Variants in FBXO31 observed in about 807,000 individuals in gnomAD.
FBXO31 encodes the protein F-box protein 31.
FBXO31 carries 24 observed loss-of-function variants against 54.4 expected under a neutral mutation model. That is an observed-to-expected ratio of 0.44 (90% CI 0.32 to 0.62). The LOEUF (loss-of-function observed/expected upper bound fraction) is 0.62. Ranked by LOEUF, FBXO31 falls within the 20% of genes least tolerant of loss-of-function variation. The probability of loss-of-function intolerance (pLI) is 0.05; values close to 1 mark genes in which losing one functional copy is unlikely to be tolerated. For synonymous variants in FBXO31, 388 were observed against 335.6 expected, an observed-to-expected ratio of 1.16 and a Z score of -1.71; for missense variants, 665 against 787.1, an observed-to-expected ratio of 0.84 and a Z score of 1.86.
upstream of FBXO31, among the ~76,000 whole-genome samples, chr16:87,390,988 TTTACAAAG>T (rs200344799): frequency 0.028 from 4,301 of 152,318 alleles, 88 homozygotes; most frequent in Non-Finnish European, 0.041. Context: ...AAGAAAGGCT[TTTACAAAG>T]TCAAAAGGAG....
chr16:87,365,037 A>ATATATCTATAAATATATATATATATC (rs1489132121), intron 1 of FBXO31, among the ~76,000 whole-genome samples: 1 of 106,892 alleles, frequency 9.4e-6, no homozygotes, highest in Non-Finnish European at 2.0e-5. Flanking sequence ...ATATATATAT[A>ATATATCTATAAATATATATATATATC]TATCAGGCAG....
In FBXO31 at chr16:87,333,938, G is replaced by C. The variant is rs767209794; in HGVS notation, c.1345C>G (p.Pro449Ala). 6.2e-7 allele frequency: 1 copy of C among 1,612,198 alleles called. No homozygotes were observed. The highest frequency in any genetic ancestry group is 8.5e-7 in the Non-Finnish European group (1 of 1,179,420). Reference protein sequence around the residue: ...QCGQGQPFVLPVGVSSRNEDY... With the variant: ...QCGQGQPFVLAVGVSSRNEDY... ...TCATTCCTGGAGCTCACGCCCACGG[G>C]CAGCACGAACGGCTGCCCCTGCCCA... The change falls in exon 8 of 9, where the codon CCC becomes GCC. Residue 449 changes from proline to alanine, a missense_variant. By Grantham distance (27) the Pro-to-Ala change is conservative (BLOSUM62 -1). Coordinates refer to ENST00000311635, the MANE Select transcript of FBXO31 (RefSeq NM_024735.5).
exon 1 of FBXO31, chr16:87,389,791 C>G (rs1464899768): frequency 6.6e-6 from 1 of 152,122 alleles, no homozygotes; most frequent in African/African-American, 2.4e-5. Context: ...TAGCCATCTT[C>G]TGAACGCTGT....
chr16:87,359,478 C>A (rs895230940), intron 2 of FBXO31, among the ~76,000 whole-genome samples: 1 of 152,212 alleles, frequency 6.6e-6, no homozygotes, highest in African/African-American at 2.4e-5. Flanking sequence ...CGGGACATGA[C>A]TTTTGGTGCT....
chr16:87,360,599 T>C (rs1906090316), intron 1 of FBXO31, among the ~76,000 whole-genome samples: 1 of 152,246 alleles, frequency 6.6e-6, no homozygotes, highest in African/African-American at 2.4e-5. Context: ...AAAATAATAA[T>C]CTGCAATGTC....
intron 8 of FBXO31, 118 bp downstream of exon 8, chr16:87,333,768 G>T: frequency 1.4e-6 from 2 of 1,462,576 alleles, no homozygotes; most frequent in Non-Finnish European, 1.8e-6. Flanking sequence ...CCAAAGCACC[G>T]GCTGCCGCCC....
At chr16:87,352,425 AC>A (rs1464147895) in intron 2 of FBXO31, among the ~76,000 whole-genome samples, 1 of 152,150 alleles carries the variant, frequency 6.6e-6, no homozygotes, top group Non-Finnish European at 1.5e-5. Context: ...TAAGATTTTA[AC>A]CCTTATTAAA....
chr16:87,347,309 C>T, intron 2 of FBXO31, 59 bp from the exon 3 acceptor site: 2 of 1,476,136 alleles, frequency 1.4e-6, no homozygotes, highest in East Asian at 2.3e-5. Context: ...GCAGGGAGCC[C>T]AGGAACCCCG....
Position 87,383,424 on chromosome 16 carries a change from C to T in FBXO31, c.321G>A (p.Trp107Ter). 6.4e-7 allele frequency: 1 copy of T among 1,572,528 alleles called. No individual in the cohort carries two copies. The highest frequency in any genetic ancestry group is 8.6e-7 in the Non-Finnish European group (1 of 1,163,786). The change falls in exon 1 of 9, where the codon TGG becomes TGA. Residue 107 changes from tryptophan (W) to a stop codon, truncating the protein, a stop_gained. Transcript: ENST00000311635. LOFTEE classifies it high-confidence loss of function. The surrounding 1 kb of genome is among the most constrained non-coding windows in gnomAD (Gnocchi z 4.9). ...FRRILHTDTI[W>*]RRRCREEYGV... ...GCTCACCCTCACGGCAACGCCTCCTCCAGATGGTGTCGGTGTGGAGGATGC... is the reference window on the plus strand; with the variant it reads ...GCTCACCCTCACGGCAACGCCTCCTTCAGATGGTGTCGGTGTGGAGGATGC...
At chr16:87,348,659 C>T (rs1435508315) in intron 2 of FBXO31, among the ~76,000 whole-genome samples, 2 of 152,194 alleles carry the variant, frequency 1.3e-5, no homozygotes, top group African/African-American at 4.8e-5. Context: ...TACAGCCTCA[C>T]CCATCTGGGT....
intron 2 of FBXO31, among the ~76,000 whole-genome samples, chr16:87,353,102 G>T (rs1468163522): frequency 6.6e-6 from 1 of 152,196 alleles, no homozygotes; most frequent in Non-Finnish European, 1.5e-5. Context: ...CGTGGCCAGG[G>T]CTGCTGCCTC....
Position 87,335,533 on chromosome 16 carries a change from T to TTG in FBXO31, c.843-77_843-76insCA. 8.0e-7 allele frequency: 1 copy of TTG among 1,244,208 alleles called. No homozygotes were observed. Among genetic ancestry groups the TTG allele is most frequent in the Non-Finnish European group, 1.1e-6 (1 of 907,804 alleles). The allele number at this position is 1,244,208 out of a possible 1,614,324, so 77.1% of individuals were successfully genotyped here. A position where few individuals can be genotyped will look rare whatever the true frequency, so the allele number is the denominator to read the frequency against. ...CTGAGAACGCCCAAGGTGCCAGGGATGAGCTTTGCAGGGCGGGGTAGGGCG... is the reference window on the plus strand; with the variant it reads ...CTGAGAACGCCCAAGGTGCCAGGGATTGGAGCTTTGCAGGGCGGGGTAGGGCG... On this transcript the variant is annotated intron_variant, in intron 6 of 8. Transcript: ENST00000311635. This position sits in a 1 kb window ranked among gnomAD's most constrained non-coding sequence, Gnocchi z 5.7.
At chr16:87,369,615 G>C (rs927475048) in intron 1 of FBXO31, among the ~76,000 whole-genome samples, 3 of 152,198 alleles carry the variant, frequency 2.0e-5, no homozygotes, top group Non-Finnish European at 2.9e-5. Flanking sequence ...TGGCTACTGT[G>C]AATAAAACTG....
intron 1 of FBXO31, among the ~76,000 whole-genome samples, chr16:87,364,554 T>C (rs1261312373): frequency 2.0e-5 from 3 of 151,900 alleles, no homozygotes; most frequent in African/African-American, 7.3e-5. Flanking sequence ...ACTATTCAGG[T>C]TGAACCAGAG....
At chr16:87,391,088 C>T (rs8052807), upstream of FBXO31, among the ~76,000 whole-genome samples, 16,245 of 152,166 alleles carry the variant, frequency 0.11, 2,824 homozygotes, top group African/African-American at 0.37. Flanking sequence ...CAGTGGCTCA[C>T]GCCTGTAATC....
At chr16:87,378,834 C>T (rs937410684) in intron 1 of FBXO31, among the ~76,000 whole-genome samples, 6 of 151,678 alleles carry the variant, frequency 4.0e-5, no homozygotes, top group Non-Finnish European at 7.4e-5. Context: ...CGGTGGCGGG[C>T]GCCTGTAGTC....
intron 1 of FBXO31, among the ~76,000 whole-genome samples, chr16:87,368,438 C>G (rs1170718810): frequency 6.6e-6 from 1 of 152,170 alleles, no homozygotes; most frequent in African/African-American, 2.4e-5. Flanking sequence ...TCCTTTCCAG[C>G]AACTATGCAC....
chr16:87,368,381 A>G (rs1006318356), intron 1 of FBXO31, among the ~76,000 whole-genome samples: 1 of 152,364 alleles, frequency 6.6e-6, no homozygotes, highest in African/African-American at 2.4e-5. Context: ...AAACCTTCTC[A>G]TAAGTCATCA....
chr16:87,337,643 G>A (rs943067802), intron 5 of FBXO31, among the ~76,000 whole-genome samples: 7 of 152,276 alleles, frequency 4.6e-5, no homozygotes, highest in South Asian at 2.1e-4. Flanking sequence ...TGATTGCAGC[G>A]GAGGTGCCCA....
Sources: gnomAD v4.1 joint callset for allele counts (sites outside exome capture counted in the v4.1 genomes callset) on GRCh38, gnomAD v4.1.1 for gene constraint, Gnocchi (gnomAD v3.1) non-coding constraint, MANE v1.5 for transcripts, NCBI Gene and HGNC (gene_info 2026-07-23, HGNC 2026-07-21) for gene names.